ZNF415: variants seen among roughly 807,000 people sequenced by gnomAD.
ZNF415 encodes zinc finger protein 415.
ZNF415 carries 5 observed loss-of-function variants against 7.3 expected under a neutral mutation model. The ratio of observed to expected loss-of-function variants is 0.69; its 90% confidence interval spans 0.36 to 1.44. The LOEUF (loss-of-function observed/expected upper bound fraction) is 1.44. Ranked by LOEUF, ZNF415 falls within the 40% of genes most tolerant of loss-of-function variation. The probability of loss-of-function intolerance (pLI) is 0.04; values close to 1 mark genes in which losing one functional copy is unlikely to be tolerated. For missense variants in ZNF415, 628 were observed against 664.8 expected (o/e 0.94, Z 0.61); for synonymous variants, 207 against 226.3 (o/e 0.91, Z 0.77).
intron 3 of ZNF415, among the ~76,000 whole-genome samples, chr19:53,110,904 C>T (rs2048048978): frequency 6.6e-6 from 1 of 152,128 alleles, no homozygotes; most frequent in South Asian, 2.1e-4. Flanking sequence ...TATGCATTGC[C>T]CTTTCATGAC....
chr19:53,109,553 A>G lies in ZNF415; in HGVS notation c.492T>C (p.His164=), dbSNP rs1439278613. Residue 164 remains histidine, a synonymous_variant, in exon 4 of 4, where the codon CAT becomes CAC. Transcript: ENST00000243643. ...QAEGKIYECN[H]VEKSVNHGSS... The stretch of plus-strand genomic sequence containing the variant: ...AACCATGGTTGACAGACTTCTCAAC[A>G]TGGTTACATTCATAAATTTTCCCTT... 7 of 1,614,124 alleles carry G rather than the reference A, an allele frequency of 4.3e-6. No homozygotes were observed. Among genetic ancestry groups the G allele is most frequent in the Admixed American group, 1.7e-5 (1 of 60,002 alleles).
At chr19:53,117,731 AG>A (rs984937476) in intron 2 of ZNF415, among the ~76,000 whole-genome samples, 35 of 152,156 alleles carry the variant, frequency 2.3e-4, no homozygotes, top group African/African-American at 7.7e-4. Flanking sequence ...GAAATGCTTA[AG>A]GGATCCCTAC....
chr19:53,116,592 T>C (rs1019029018), intron 2 of ZNF415, among the ~76,000 whole-genome samples, 159 bp from the exon 3 acceptor site: 3 of 147,650 alleles, frequency 2.0e-5, no homozygotes, highest in Admixed American at 1.4e-4. Flanking sequence ...TATCTCTCCC[T>C]AATTGTGGTT....
chr19:53,129,435 T>A (rs2089751659), intron 1 of ZNF415: 16 of 394,312 alleles, frequency 4.1e-5, no homozygotes, highest in Non-Finnish European at 7.1e-5. Flanking sequence ...TCTGAGTCCC[T>A]GCTTCACATT....
chr19:53,122,592 C>T (rs1464374048), intron 2 of ZNF415, 70 bp downstream of exon 2: 1 of 1,610,348 alleles, frequency 6.2e-7, no homozygotes, highest in Non-Finnish European at 8.5e-7. Flanking sequence ...AGATTTGCAG[C>T]TCCAAGGCAT....
At chr19:53,123,756 A>G (rs2088549442) in intron 1 of ZNF415, 3 of 394,382 alleles carry the variant, frequency 7.6e-6, no homozygotes, top group Non-Finnish European at 8.9e-6. Flanking sequence ...ATTTTAATTA[A>G]ATATATAATA....
chr19:53,123,816 A>G (rs2088561774), intron 1 of ZNF415: 1 of 372,304 alleles, frequency 2.7e-6, no homozygotes, highest in Non-Finnish European at 4.7e-6. Context: ...ATATATTTGA[A>G]AGTCCCACGA....
Position 53,109,200 on chromosome 19 carries a change from C to A in ZNF415, c.845G>T (p.Ser282Ile). The A allele has an allele frequency of 6.2e-7, 1 of 1,614,092 alleles. No individual in the cohort carries two copies. Among genetic ancestry groups the A allele is most frequent in the South Asian group, 1.1e-5 (1 of 91,080 alleles). The change falls in exon 4 of 4, where the codon AGT (serine) becomes ATT (isoleucine). Residue 282 changes from serine (S) to isoleucine (I), a missense_variant. By Grantham distance (142) the Ser-to-Ile change is moderately radical. Transcript: ENST00000243643. ...YKCNECDRSFSRNSCLALHRR... is the reference protein window; with the variant it reads ...YKCNECDRSFIRNSCLALHRR... ...ATGTAGTGCAAGGCATGAGTTGCGACTGAAACTTCTGTCACATTCATTACA... is the reference window on the plus strand; with the variant it reads ...ATGTAGTGCAAGGCATGAGTTGCGAATGAAACTTCTGTCACATTCATTACA...
chr19:53,131,487 A>G (rs1347346340), intron 1 of ZNF415, among the ~76,000 whole-genome samples: 2 of 152,140 alleles, frequency 1.3e-5, no homozygotes. Context: ...TAGTCATCAC[A>G]TCCAGTCAGT....
rs1457435325 is a variant in ZNF415 at position 53,108,182 on chromosome 19, A to G, written c.*195T>C. 6.9e-5 allele frequency: 42 copies of G among 607,012 alleles called. No homozygotes were observed. Among genetic ancestry groups the G allele is most frequent in the Non-Finnish European group, 2.8e-5 (10 of 356,058 alleles). The allele number at this position is 607,012 out of a possible 1,614,324, so 37.6% of individuals were successfully genotyped here. On this transcript the variant is annotated 3_prime_UTR_variant, in exon 4 of 4. Coordinates refer to ENST00000243643, the MANE Select transcript of ZNF415 (RefSeq NM_018355.4). ...CTCTTTAGCATGGACTCTGATGTCA[A>G]TGAATGCTTGAACTTGTGATGAAGG...
intron 2 of ZNF415, among the ~76,000 whole-genome samples, chr19:53,119,296 T>C (rs1404634184): frequency 7.4e-6 from 1 of 134,934 alleles, no homozygotes; most frequent in Non-Finnish European, 1.6e-5. Context: ...AAAAAGAAAA[T>C]ACAAAAATTA....
At chr19:53,131,659 C>T (rs1208288704) in intron 1 of ZNF415, among the ~76,000 whole-genome samples, 1 of 152,072 alleles carries the variant, frequency 6.6e-6, no homozygotes, top group Non-Finnish European at 1.5e-5. Flanking sequence ...CTCTCCTCTC[C>T]TGCTGCTCCT....
intron 3 of ZNF415, among the ~76,000 whole-genome samples, chr19:53,111,340 C>CTTT (rs61112807): frequency 0.015 from 1,582 of 105,038 alleles, 44 homozygotes; most frequent in Non-Finnish European, 0.02. Context: ...TATGATATTT[C>CTTT]TTTTTTTTTT....
In ZNF415 at chr19:53,109,339, C is replaced by T. The variant is rs369308570; in HGVS notation, c.706G>A (p.Val236Ile). The T allele has an allele frequency of 6.2e-7, 1 of 1,614,174 alleles. No individual in the cohort carries two copies. Among genetic ancestry groups the T allele is most frequent in the Non-Finnish European group, 8.5e-7 (1 of 1,180,034 alleles). The change falls in exon 4 of 4, where the codon GTA becomes ATA. Residue 236 changes from valine to isoleucine, a missense_variant. Physicochemically the swap from Val to Ile is conservative, Grantham distance 29 (BLOSUM62 3). Coordinates refer to ENST00000243643, the MANE Select transcript of ZNF415 (RefSeq NM_018355.4). ...NHGSHMTVRQ[V>I]SHSGEKGYKC... ...TATCCTTTCTCTCCAGAATGACTTA[C>T]CTGACGTACAGTCATGTGTGAGCCA...
At chr19:53,129,854 A>G (rs933459732) in intron 1 of ZNF415, 11 of 369,094 alleles carry the variant, frequency 3.0e-5, no homozygotes, top group African/African-American at 2.3e-4. Context: ...ACTTGAGGCC[A>G]GGAGTTTGAG....
chr19:53,128,826 G>C (rs77519261), intron 1 of ZNF415, among the ~76,000 whole-genome samples: 1,155 of 94,374 alleles, frequency 0.012, 37 homozygotes, highest in African/African-American at 0.016. Flanking sequence ...TCCCTGAGGA[G>C]TCTTCAGCCC....
chr19:53,112,545 C>T (rs1423574587), intron 3 of ZNF415, among the ~76,000 whole-genome samples: 1 of 152,114 alleles, frequency 6.6e-6, no homozygotes, highest in African/African-American at 2.4e-5. Flanking sequence ...ACTTATAAAG[C>T]GGTTGAGTAG....
At chr19:53,126,087 G>A (rs926961922) in intron 1 of ZNF415, among the ~76,000 whole-genome samples, 3 of 151,540 alleles carry the variant, frequency 2.0e-5, no homozygotes, top group Admixed American at 6.6e-5. Context: ...ATGATACAGG[G>A]TGACACTAGT....
intron 1 of ZNF415, among the ~76,000 whole-genome samples, chr19:53,127,549 C>T (rs2089359067): frequency 6.6e-6 from 1 of 152,132 alleles, no homozygotes; most frequent in Non-Finnish European, 1.5e-5. Context: ...GAAAACACTC[C>T]AAACTGTTAT....
Sources: gnomAD v4.1 joint callset for allele counts (sites outside exome capture counted in the v4.1 genomes callset) on GRCh38, gnomAD v4.1.1 for gene constraint, MANE v1.5 for transcripts, NCBI Gene and HGNC (gene_info 2026-07-23, HGNC 2026-07-21) for gene names.